Variants in CADM1 observed in about 807,000 individuals in gnomAD.
CADM1 encodes the protein cell adhesion molecule 1.
In CADM1, 15 loss-of-function variants were observed where a neutral mutation model predicts 53.1. The ratio of observed to expected loss-of-function variants is 0.28; its 90% CI spans 0.19 to 0.44. The LOEUF is 0.44. CADM1 is among the 20% of genes least tolerant of loss of function. The pLI is 1.00. For synonymous variants in CADM1, 281 were observed against 243.0 expected, an observed-to-expected ratio of 1.16 and a Z score of -1.45; for missense variants, 434 against 611.3, an observed-to-expected ratio of 0.71 and a Z score of 3.06.
intron 1 of CADM1, among the ~76,000 whole-genome samples, chr11:115,478,318 ATAATC>A (rs1354114139): frequency 6.6e-6 from 1 of 152,186 alleles, no homozygotes; most frequent in Non-Finnish European, 1.5e-5. Context: ...TTGCAAAGTG[ATAATC>A]TAAAGTAAAG....
chr11:115,195,086 C>T (rs921184581), intron 9 of CADM1, among the ~76,000 whole-genome samples: 1 of 152,208 alleles, frequency 6.6e-6, no homozygotes, highest in Admixed American at 6.5e-5. Flanking sequence ...GCTCAAGATC[C>T]TTATTCAAAG....
intron 1 of CADM1, among the ~76,000 whole-genome samples, chr11:115,245,651 G>A (rs1044405519): frequency 6.6e-6 from 1 of 152,148 alleles, no homozygotes; most frequent in African/African-American, 2.4e-5. Flanking sequence ...CTGAGAGCTA[G>A]TACAGAGTTG....
chr11:115,205,073 A>T (rs1708528714), intron 8 of CADM1, among the ~76,000 whole-genome samples: 1 of 152,104 alleles, frequency 6.6e-6, no homozygotes, highest in East Asian at 1.9e-4. Flanking sequence ...TTCATTTCTT[A>T]TTCTAAGGTG....
rs192636675 is a variant in CADM1, at chr11:115,233,752, T to C, written c.425-2262A>G. 4.5e-3 allele frequency among the ~76,000 whole-genome samples: 677 copies of C among 149,856 alleles called. 7 individuals carry two copies. Among genetic ancestry groups the C allele is most frequent in the African/African-American group, 0.015 (617 of 40,716 alleles). The stretch of plus-strand genomic sequence containing the variant: ...ATACCTTTCAAGGTCCAGGAAAAAA[T>C]AGGAGTGATGAAAATAATTTTTCAT... On this transcript the variant is annotated intron_variant, in intron 3 of 11. Coordinates refer to ENST00000331581, the MANE Select transcript of CADM1 (RefSeq NM_001301043.2).
chr11:115,409,950 G>T lies in CADM1; in HGVS notation c.124+94321C>A, dbSNP rs12286211. On this transcript the variant is annotated intron_variant, in intron 1 of 11. Transcript: ENST00000331581. The stretch of plus-strand genomic sequence containing the variant: ...GATGCATCCCAATGCTTTCAGAACA[G>T]ACAACACATCTGTTCCCAGGTCCCC... Among the ~76,000 whole-genome samples, 225 of 152,292 alleles carry T rather than the reference G, an allele frequency of 1.5e-3. 1 individual carries two copies. The highest frequency in any genetic ancestry group is 6.8e-3 in the Middle Eastern group (2 of 294).
At chr11:115,502,101 T>A (rs1949738999) in intron 1 of CADM1, among the ~76,000 whole-genome samples, 1 of 152,088 alleles carries the variant, frequency 6.6e-6, no homozygotes, top group Admixed American at 6.5e-5. Context: ...CACGGTTGAG[T>A]TCCAGACCGC....
intron 1 of CADM1, among the ~76,000 whole-genome samples, chr11:115,440,599 C>T (rs1230781620): frequency 1.3e-5 from 2 of 152,148 alleles, no homozygotes. Flanking sequence ...ATTAAGTACA[C>T]ACAGACAGCT....
At chr11:115,284,412 C>T (rs76347104) in intron 1 of CADM1, among the ~76,000 whole-genome samples, 3,162 of 151,948 alleles carry the variant, frequency 0.021, 37 homozygotes, top group Non-Finnish European at 0.03. Flanking sequence ...TAGAATAATG[C>T]TCCCGGCTTC....
At chr11:115,303,248 G>A (rs924904109) in intron 1 of CADM1, among the ~76,000 whole-genome samples, 1 of 151,972 alleles carries the variant, frequency 6.6e-6, no homozygotes, top group Admixed American at 6.6e-5. Flanking sequence ...AAAGTATAAG[G>A]GAAACAATTC....
intron 1 of CADM1, among the ~76,000 whole-genome samples, chr11:115,432,042 G>A (rs1169374771): frequency 6.6e-6 from 1 of 152,032 alleles, no homozygotes. Flanking sequence ...CCCCTCCTGA[G>A]TTTAAGTGAT....
At chr11:115,306,293 G>C (rs954858904) in intron 1 of CADM1, among the ~76,000 whole-genome samples, 14 of 151,962 alleles carry the variant, frequency 9.2e-5, no homozygotes, top group Non-Finnish European at 1.9e-4. Context: ...CAGGTTTGTA[G>C]CGTAGGAGCA....
intron 1 of CADM1, among the ~76,000 whole-genome samples, chr11:115,400,344 GAATAA>G (rs138290618): frequency 0.099 from 14,919 of 151,036 alleles, 876 homozygotes; most frequent in Middle Eastern, 0.14. Context: ...AAACAGAATA[GAATAA>G]AACAAAAAGC....
chr11:115,306,602 A>C (rs1351240847), intron 1 of CADM1, among the ~76,000 whole-genome samples: 2 of 151,980 alleles, frequency 1.3e-5, no homozygotes, highest in Non-Finnish European at 2.9e-5. Context: ...GTGGTATAAG[A>C]GAAAGGCCTT....
chr11:115,383,578 CCA>C (rs1946629080), intron 1 of CADM1, among the ~76,000 whole-genome samples: 1 of 152,228 alleles, frequency 6.6e-6, no homozygotes, highest in Non-Finnish European at 1.5e-5. Flanking sequence ...TGCCTTTGAA[CCA>C]CAGAGCAATG....
chr11:115,499,650 C>A (rs530917691), intron 1 of CADM1, among the ~76,000 whole-genome samples: 12 of 152,372 alleles, frequency 7.9e-5, no homozygotes, highest in Admixed American at 6.5e-4. Flanking sequence ...AGGGACCTGT[C>A]CCTATCCAGG....
chr11:115,400,497 A>G (rs1034652550), intron 1 of CADM1, among the ~76,000 whole-genome samples: 2 of 149,194 alleles, frequency 1.3e-5, no homozygotes, highest in Non-Finnish European at 3.0e-5. Flanking sequence ...ATTAAATTGC[A>G]TTCATACTTC....
intron 1 of CADM1, among the ~76,000 whole-genome samples, chr11:115,453,255 T>C (rs1268246412): frequency 6.6e-6 from 1 of 152,060 alleles, no homozygotes; most frequent in East Asian, 1.9e-4. Flanking sequence ...TGCATGCCTG[T>C]AGTCTTAGCT....
At chr11:115,404,345 AAATATATATATATATATATATATATAT>A (rs1565409990) in intron 1 of CADM1, among the ~76,000 whole-genome samples, 1 of 40,788 alleles carries the variant, frequency 2.5e-5, no homozygotes, top group African/African-American at 8.7e-5. Flanking sequence ...AAAAAAAAAA[AAATATATATATATATATATATATATAT>A]ATATATATAT....
chr11:115,255,383 C>G (rs1035432240), intron 1 of CADM1, among the ~76,000 whole-genome samples: 1 of 152,126 alleles, frequency 6.6e-6, no homozygotes, highest in African/African-American at 2.4e-5. Context: ...TGTTGTTGAC[C>G]AGCAGTCTTG....
Sources: allele counts gnomAD v4.1 joint callset (sites outside exome capture counted in the v4.1 genomes callset), GRCh38; gene constraint gnomAD v4.1.1; transcripts MANE v1.5; gene names NCBI Gene and HGNC (gene_info 2026-07-23, HGNC 2026-07-21).